The following CNTNAP3 variants were observed in gnomAD, a reference collection of about 807,000 sequenced individuals.
CNTNAP3 encodes contactin-associated protein-like 3.
A neutral mutation model predicts 92.1 loss-of-function variants in CNTNAP3; 36 were observed. That is an observed-to-expected ratio of 0.39 (90% CI 0.30 to 0.52). The LOEUF (loss-of-function observed/expected upper bound fraction) is 0.52. Ranked by LOEUF, CNTNAP3 falls within the 20% of genes least tolerant of loss-of-function variation. The pLI, the probability that CNTNAP3 is intolerant of heterozygous loss-of-function variation, is 0.76. For missense variants in CNTNAP3, 534 were observed against 1,069.6 expected (o/e 0.50, Z 6.98); for synonymous variants, 232 against 422.3 (o/e 0.55, Z 5.53).
intron 15 of CNTNAP3, among the ~76,000 whole-genome samples, chr9:39,105,868 TCACA>T (rs532194367): frequency 8.3e-6 from 1 of 120,510 alleles, no homozygotes; most frequent in Non-Finnish European, 1.9e-5. Flanking sequence ...TCTCTCTCTC[TCACA>T]CACACAGTCT....
intron 18 of CNTNAP3, among the ~76,000 whole-genome samples, chr9:39,097,455 T>C (rs968367733): frequency 2.6e-5 from 4 of 152,028 alleles, no homozygotes; most frequent in African/African-American, 9.7e-5. Context: ...GGAGAAACTG[T>C]TCCTTACAAG....
chr9:39,104,927 T>C (rs747240563), intron 15 of CNTNAP3, among the ~76,000 whole-genome samples: 4 of 152,190 alleles, frequency 2.6e-5, no homozygotes, highest in Non-Finnish European at 4.4e-5. Flanking sequence ...AACATGAAGT[T>C]ATTATTTTTC....
rs1475748298 is a variant in CNTNAP3, at chr9:39,072,786, T to A, written c.*1104A>T. On this transcript the variant is annotated 3_prime_UTR_variant, in exon 24 of 24. Transcript: ENST00000297668. ...GTGATCTTCAGTTAAGCTATTTTTT[T>A]AATAAATTGAAAAGATGTTCTGTAC... 3 of 152,220 alleles carry A rather than the reference T, an allele frequency of 2.0e-5. No homozygotes were observed. The highest frequency in any genetic ancestry group is 2.1e-4 in the South Asian group (1 of 4,834). 9.4% of individuals were successfully genotyped at this position (152,220 alleles called of 1,614,324 possible). A position where few individuals can be genotyped will look rare whatever the true frequency, so the allele number is the denominator to read the frequency against.
chr9:39,094,674 C>G (rs528517157), intron 18 of CNTNAP3, among the ~76,000 whole-genome samples: 263 of 151,730 alleles, frequency 1.7e-3, no homozygotes, highest in Non-Finnish European at 3.1e-3. Context: ...AGGTTTATTT[C>G]TGGCCTCTCA....
intron 11 of CNTNAP3, among the ~76,000 whole-genome samples, chr9:39,143,313 C>T (rs1006719493): frequency 3.3e-5 from 5 of 151,998 alleles, no homozygotes; most frequent in African/African-American, 7.3e-5. Context: ...ACAAGAGACT[C>T]GGGGCCCCAT....
intron 13 of CNTNAP3, among the ~76,000 whole-genome samples, chr9:39,119,083 A>G (rs1430345473): frequency 6.6e-6 from 1 of 152,154 alleles, no homozygotes; most frequent in South Asian, 2.1e-4. Flanking sequence ...ACCTATCTTA[A>G]AAAAGGAAGG....
At position 39,152,838 on chromosome 9, in the gene CNTNAP3, AT is replaced by A. The variant is rs781497617; in HGVS notation, c.1478-2862del. ...ACCCTGCTAATTTTTTTTTTTTTGTATTTTTTTTCAGTAGAGACGGGGTTTC... is the reference window on the plus strand; with the variant it reads ...ACCCTGCTAATTTTTTTTTTTTTGTATTTTTTTCAGTAGAGACGGGGTTTC... On this transcript the variant is annotated intron_variant, in intron 9 of 23. Coordinates refer to ENST00000297668, the MANE Select transcript of CNTNAP3 (RefSeq NM_033655.5). Among the ~76,000 whole-genome samples, 142 of 96,462 alleles carry A rather than the reference AT, an allele frequency of 1.5e-3. 22 individuals carry two copies. Among genetic ancestry groups the A allele is most frequent in the South Asian group, 2.1e-3 (6 of 2,800 alleles). 63.3% of individuals were successfully genotyped at this position (96,462 alleles called of 152,430 possible).
intron 17 of CNTNAP3, among the ~76,000 whole-genome samples, chr9:39,102,295 A>C (rs1035950761): frequency 3.3e-5 from 5 of 152,296 alleles, no homozygotes; most frequent in African/African-American, 1.2e-4. Flanking sequence ...AAAAACAAAA[A>C]CAAAAACAAA....
intron 19 of CNTNAP3, among the ~76,000 whole-genome samples, chr9:39,087,434 T>A (rs145533913): frequency 2.1e-3 from 317 of 152,324 alleles, no homozygotes; most frequent in Non-Finnish European, 3.5e-3. Context: ...GTGCCCTCAT[T>A]ATCTGTAATT....
chr9:39,094,826 C>T (rs937191047), intron 18 of CNTNAP3, among the ~76,000 whole-genome samples: 1 of 151,314 alleles, frequency 6.6e-6, no homozygotes, highest in Admixed American at 6.6e-5. Flanking sequence ...TTATTCTGGG[C>T]TTTTTCAAAT....
At chr9:39,133,748 T>C (rs937644300) in intron 12 of CNTNAP3, among the ~76,000 whole-genome samples, 5 of 151,878 alleles carry the variant, frequency 3.3e-5, no homozygotes, top group African/African-American at 1.2e-4. Flanking sequence ...TCTCTGTCAC[T>C]TGATTACTTA....
At chr9:39,127,715 C>T (rs1170480107) in intron 13 of CNTNAP3, among the ~76,000 whole-genome samples, 1 of 152,042 alleles carries the variant, frequency 6.6e-6, no homozygotes, top group Non-Finnish European at 1.5e-5. Flanking sequence ...ATTCACCTAA[C>T]ATTAAATAGG....
chr9:39,168,280 C>A (rs2778109), intron 8 of CNTNAP3, among the ~76,000 whole-genome samples: 1 of 150,388 alleles, frequency 6.6e-6, no homozygotes, highest in African/African-American at 2.4e-5. Context: ...GCCTCCCAAA[C>A]TGCTGGGATT....
intron 18 of CNTNAP3, among the ~76,000 whole-genome samples, chr9:39,094,752 T>C (rs1447036694): frequency 7.9e-5 from 12 of 151,662 alleles, no homozygotes; most frequent in Admixed American, 7.2e-4. Context: ...ATGTAGTTTA[T>C]AGTAAGTTTT....
Position 39,132,977 on chromosome 9 carries a change from G to A in CNTNAP3, c.2035C>T (p.Arg679Trp), listed in dbSNP as rs149597063. ...AVNLAERCEQ[R>W]LALRCGTARR... Reference sequence around the variant, plus strand: ...GCCGTCCCGCAGCGCAGAGCCAGCCGCTGCTCGCAGCGCTCCGCCAGGTTC... The same window carrying A: ...GCCGTCCCGCAGCGCAGAGCCAGCCACTGCTCGCAGCGCTCCGCCAGGTTC... Residue 679 changes from arginine (R) to tryptophan (W), a missense_variant, in exon 13 of 24, where the codon CGG (arginine) becomes TGG (tryptophan). Physicochemically the swap from Arg to Trp is moderately radical, Grantham distance 101. Coordinates refer to ENST00000297668, the MANE Select transcript of CNTNAP3 (RefSeq NM_033655.5). 4 of 1,542,958 alleles carry A rather than the reference G, an allele frequency of 2.6e-6. No homozygotes were observed. The highest frequency in any genetic ancestry group is 3.5e-6 in the Non-Finnish European group (4 of 1,153,776).
chr9:39,087,776 A>G (rs1001790309), intron 19 of CNTNAP3, among the ~76,000 whole-genome samples: 24 of 152,212 alleles, frequency 1.6e-4, no homozygotes, highest in African/African-American at 5.1e-4. Flanking sequence ...GTGAGCCACC[A>G]CATCCAGCCT....
In CNTNAP3 at chr9:39,066,776, C is replaced by T. The variant is rs1369175534; in HGVS notation, c.*7114G>A. 6.6e-6 allele frequency among the ~76,000 whole-genome samples: 1 copy of T among 152,310 alleles called. No individual in the cohort carries two copies. The highest frequency in any genetic ancestry group is 2.4e-5 in the African/African-American group (1 of 41,488). On this transcript the variant is annotated 3_prime_UTR_variant, in exon 24 of 24. Transcript: ENST00000297668. Reference sequence around the variant, plus strand: ...TTTTTCTTCTCTGTGTAAGACTTGTCTTTTTCTCTTTACCACACTGAGTTT... The same window carrying T: ...TTTTTCTTCTCTGTGTAAGACTTGTTTTTTTCTCTTTACCACACTGAGTTT...
rs1825612411 is a variant in CNTNAP3 at position 39,070,419 on chromosome 9, C to T, written c.*3471G>A. Reference sequence around the variant, plus strand: ...GTGAAATAGGCCAGGCATAGAAAGACAAACATTGCCATGTTCTCATTTATT... The same window carrying T: ...GTGAAATAGGCCAGGCATAGAAAGATAAACATTGCCATGTTCTCATTTATT... On this transcript the variant is annotated 3_prime_UTR_variant, in exon 24 of 24. Transcript: ENST00000297668. Among the ~76,000 whole-genome samples the T allele has an allele frequency of 1.4e-5, 2 of 142,320 alleles. No individual in the cohort carries two copies. Among genetic ancestry groups the T allele is most frequent in the East Asian group, 2.0e-4 (1 of 4,896 alleles). 93.4% of individuals were successfully genotyped at this position (142,320 alleles called of 152,430 possible). A position where few individuals can be genotyped will look rare whatever the true frequency, so the allele number is the denominator to read the frequency against.
intron 23 of CNTNAP3, among the ~76,000 whole-genome samples, chr9:39,076,009 GA>G (rs1825752114): frequency 6.6e-6 from 1 of 152,292 alleles, no homozygotes; most frequent in African/African-American, 2.4e-5. Context: ...GTCCCTATTA[GA>G]AAATGCAAAC....
Sources: gnomAD v4.1 joint callset for allele counts (sites outside exome capture counted in the v4.1 genomes callset) on GRCh38, gnomAD v4.1.1 for gene constraint, MANE v1.5 for transcripts, NCBI Gene and HGNC (gene_info 2026-07-23, HGNC 2026-07-21) for gene names.